UBA2: variants seen among roughly 807,000 people sequenced by gnomAD.
UBA2 encodes ubiquitin like modifier activating enzyme 2.
Under a neutral mutation model 77.2 loss-of-function variants are expected in UBA2, and 11 were observed. The observed-to-expected ratio is 0.14, with a 90% CI of 0.09 to 0.24. UBA2 has a LOEUF of 0.24. UBA2 is among the 10% of genes least tolerant of loss of function. UBA2 has a pLI of 1.00. For missense variants in UBA2, 487 were observed against 781.7 expected (o/e 0.62, Z 4.50); for synonymous variants, 278 against 276.7 (o/e 1.00, Z -0.05).
intron 10 of UBA2, 145 bp from the exon 11 acceptor site, chr19:34,454,115 A>G (rs2075532665): frequency 1.4e-6 from 1 of 705,452 alleles, no homozygotes. Context: ...GTGAGGTCCT[A>G]GCTGACTGGT....
intron 7 of UBA2, 67 bp downstream of exon 7, chr19:34,443,978 G>A (rs2075397871): frequency 9.1e-7 from 1 of 1,101,572 alleles, no homozygotes; most frequent in Non-Finnish European, 1.4e-6. Flanking sequence ...TTTAATTTTG[G>A]TAGCTTAAGG....
In UBA2 at chr19:34,470,012, T is replaced by G. The variant is rs918192507; in HGVS notation, c.*791T>G. On this transcript the variant is annotated 3_prime_UTR_variant, in exon 17 of 17. Coordinates refer to ENST00000246548, the MANE Select transcript of UBA2 (RefSeq NM_005499.3). ...GCTCATGCCTGTAATCCCAGCACTT[T>G]GGAAGGCTGAGGCAGGTGGATCACC... The G allele has an allele frequency of 1.3e-5, 2 of 151,580 alleles. No homozygotes were observed. Among genetic ancestry groups the G allele is most frequent in the African/African-American group, 4.9e-5 (2 of 41,148 alleles). The allele number at this position is 151,580 out of a possible 1,614,324, so 9.4% of individuals were successfully genotyped here.
intron 12 of UBA2, 97 bp from the exon 13 acceptor site, chr19:34,458,671 CA>C: frequency 9.8e-7 from 1 of 1,023,714 alleles, no homozygotes; most frequent in Non-Finnish European, 1.3e-6. Flanking sequence ...ATTTTTAAGT[CA>C]TTTTTTATTG....
At chr19:34,457,182 ATATATATATATATATAT>A (rs2075576760) in intron 12 of UBA2, among the ~76,000 whole-genome samples, 7 of 85,640 alleles carry the variant, frequency 8.2e-5, no homozygotes, top group South Asian at 4.6e-4. Flanking sequence ...AAAAAAAAAT[ATATATATATATATATAT>A]ATATATATAT....
chr19:34,462,357 G>A (rs1319594282), intron 14 of UBA2, among the ~76,000 whole-genome samples: 4 of 152,194 alleles, frequency 2.6e-5, no homozygotes, highest in African/African-American at 9.7e-5. Flanking sequence ...AGACTTCACA[G>A]GTGATGCTAG....
At chr19:34,456,911 G>A (rs2075568962) in intron 12 of UBA2, among the ~76,000 whole-genome samples, 1 of 151,774 alleles carries the variant, frequency 6.6e-6, no homozygotes, top group Non-Finnish European at 1.5e-5. Flanking sequence ...GCCTGAAGCT[G>A]TAGTATCCCT....
rs1397945833 is a variant in UBA2, at chr19:34,454,600, A to T, written c.1245+44A>T. 4 of 991,082 alleles carry T rather than the reference A, an allele frequency of 4.0e-6. No homozygotes were observed. The South Asian group carries it at 6.7e-5, about 17-fold the overall frequency. The allele number at this position is 991,082 out of a possible 1,614,324, so 61.4% of individuals were successfully genotyped here. A position where few individuals can be genotyped will look rare whatever the true frequency, so the allele number is the denominator to read the frequency against. On this transcript the variant is annotated intron_variant, in intron 12 of 16. Transcript: ENST00000246548. ...ATTTTTATGCAACCCCCCTTAAAAA[A>T]ATCATTAATTAAAAGTACATTAAAC...
chr19:34,458,895 A>G lies in UBA2; in HGVS notation c.1372A>G (p.Lys458Glu). The change falls in exon 13 of 17, where the codon AAA (lysine) becomes GAA (glutamate). Residue 458 changes from lysine (K) to glutamate (E), a missense_variant. Transcript: ENST00000246548. ...GGTGACTGTGCGGCTGAATGTCCATAAAGTGACTGTTCTCACCTTACAAGA... is the reference window on the plus strand; with the variant it reads ...GGTGACTGTGCGGCTGAATGTCCATGAAGTGACTGTTCTCACCTTACAAGA... ...PEVTVRLNVHKVTVLTLQDKI... is the reference protein window; with the variant it reads ...PEVTVRLNVHEVTVLTLQDKI... The G allele has an allele frequency of 2.5e-6, 4 of 1,614,118 alleles. No homozygotes were observed. The highest frequency in any genetic ancestry group is 3.4e-6 in the Non-Finnish European group (4 of 1,180,004).
intron 8 of UBA2, among the ~76,000 whole-genome samples, chr19:34,446,186 A>T (rs1192285902): frequency 6.6e-6 from 1 of 152,010 alleles, no homozygotes; most frequent in Non-Finnish European, 1.5e-5. Context: ...GCCCCTAGCA[A>T]GTTTATCACA....
rs111701841 is a variant in UBA2 at position 34,446,559 on chromosome 19, G to C, written c.771+1438G>C. Among the ~76,000 whole-genome samples, 482 of 150,076 alleles carry C rather than the reference G, an allele frequency of 3.2e-3. 2 individuals are homozygous for C. Among genetic ancestry groups the C allele is most frequent in the Non-Finnish European group, 5.0e-3 (339 of 67,782 alleles). On this transcript the variant is annotated intron_variant, in intron 8 of 16. Coordinates refer to ENST00000246548, the MANE Select transcript of UBA2 (RefSeq NM_005499.3). Reference sequence around the variant, plus strand: ...TACTGCTCTCCCCAGCTTGTATTTCGTCTTATTTCCTCAGTGGTAACAGAT... The same window carrying C: ...TACTGCTCTCCCCAGCTTGTATTTCCTCTTATTTCCTCAGTGGTAACAGAT...
rs1380278682 is a variant in UBA2, at chr19:34,454,173, A to G, written c.1039-87A>G. 4.2e-6 allele frequency: 5 copies of G among 1,190,834 alleles called. No homozygotes were observed. In the Admixed American group the frequency reaches 8.1e-5, roughly 19 times the overall value. 73.8% of individuals were successfully genotyped at this position (1,190,834 alleles called of 1,614,324 possible). A position where few individuals can be genotyped will look rare whatever the true frequency, so the allele number is the denominator to read the frequency against. Reference sequence around the variant, plus strand: ...TCTAGTCGAAAGTCTATAGTATTATAAACACGTGAAAGTATTGTTCTGAAA... The same window carrying G: ...TCTAGTCGAAAGTCTATAGTATTATGAACACGTGAAAGTATTGTTCTGAAA... On this transcript the variant is annotated intron_variant, in intron 10 of 16. Transcript: ENST00000246548.
chr19:34,438,608 T>A (rs952544223), intron 5 of UBA2, 37 bp from the exon 6 acceptor site: 2 of 1,610,474 alleles, frequency 1.2e-6, no homozygotes, highest in African/African-American at 2.7e-5. Flanking sequence ...GAAACTGCCA[T>A]CATGGAGTAA....
At chr19:34,430,858 C>T (rs1309638271) in intron 2 of UBA2, among the ~76,000 whole-genome samples, 199 bp downstream of exon 2, 4 of 152,104 alleles carry the variant, frequency 2.6e-5, no homozygotes, top group South Asian at 2.1e-4. Flanking sequence ...GAAATAATCC[C>T]GTGATGGTGT....
chr19:34,443,346 T>C (rs967689721), intron 6 of UBA2, among the ~76,000 whole-genome samples: 2 of 152,184 alleles, frequency 1.3e-5, no homozygotes, highest in Non-Finnish European at 2.9e-5. Context: ...CTGCTAAAAT[T>C]TAACCTTGCT....
At position 34,457,179 on chromosome 19, in the gene UBA2, AATATATAT is replaced by A. The variant is rs766043321; in HGVS notation, c.1246-1562_1246-1555del. On this transcript the variant is annotated intron_variant, in intron 12 of 16. Coordinates refer to ENST00000246548, the MANE Select transcript of UBA2 (RefSeq NM_005499.3). Reference sequence around the variant, plus strand: ...CCTGGTCTCTACTAAAAAAAAAAAAAATATATATATATATATATATATATATATATATA... The same window carrying A: ...CCTGGTCTCTACTAAAAAAAAAAAAAATATATATATATATATATATATATA... Among the ~76,000 whole-genome samples, 24 of 53,224 alleles carry A rather than the reference AATATATAT, an allele frequency of 4.5e-4. 1 individual carries two copies. The highest frequency in any genetic ancestry group is 0.014 in the Middle Eastern group (1 of 72). 34.9% of individuals were successfully genotyped at this position (53,224 alleles called of 152,430 possible). A position where few individuals can be genotyped will look rare whatever the true frequency, so the allele number is the denominator to read the frequency against.
intron 9 of UBA2, among the ~76,000 whole-genome samples, chr19:34,451,535 A>ATT (rs2075496138): frequency 2.1e-5 from 2 of 95,268 alleles, no homozygotes; most frequent in Non-Finnish European, 4.4e-5. Context: ...CAGGTTTAAC[A>ATT]GTTTTTTTTT....
At chr19:34,429,812 G>A (rs990830526) in intron 1 of UBA2, among the ~76,000 whole-genome samples, 4 of 152,038 alleles carry the variant, frequency 2.6e-5, no homozygotes, top group Non-Finnish European at 5.9e-5. Context: ...CTCCAGCCTG[G>A]GCAACAGAGG....
intron 15 of UBA2, 86 bp downstream of exon 15, chr19:34,464,217 T>G (rs977941716): frequency 1.1e-6 from 1 of 900,558 alleles, no homozygotes; most frequent in African/African-American, 1.7e-5. Flanking sequence ...TTTCTTATCC[T>G]TAAACCCTGC....
intron 16 of UBA2, among the ~76,000 whole-genome samples, chr19:34,467,520 A>T (rs1316940812): frequency 2.6e-5 from 4 of 151,936 alleles, no homozygotes; most frequent in Non-Finnish European, 5.9e-5. Flanking sequence ...CACACCTGTA[A>T]CCCCAACGCT....
Sources: allele counts gnomAD v4.1 joint callset (sites outside exome capture counted in the v4.1 genomes callset), GRCh38; gene constraint gnomAD v4.1.1; transcripts MANE v1.5; gene names NCBI Gene and HGNC (gene_info 2026-07-23, HGNC 2026-07-21).